The following FSTL5 variants were observed in gnomAD, a reference collection of about 807,000 sequenced individuals.
The protein encoded by FSTL5 is follistatin like 5.
FSTL5 carries 62 observed loss-of-function variants against 89.1 expected under a neutral mutation model. The observed-to-expected ratio is 0.70, with a 90% CI of 0.57 to 0.86. The LOEUF is 0.86. Ranked by LOEUF, FSTL5 falls within the 40% of genes least tolerant of loss-of-function variation. The probability of loss-of-function intolerance (pLI) is 0.00; values close to 1 mark genes in which losing one functional copy is unlikely to be tolerated. For missense variants in FSTL5, 1,057 were observed against 1,001.6 expected, an observed-to-expected ratio of 1.06 and a Z score of -0.75; for synonymous variants, 383 against 346.2, an observed-to-expected ratio of 1.11 and a Z score of -1.18.
rs1186456306 is a variant in FSTL5, at chr4:162,114,791, A to G, written c.-16-3379T>C. 2.6e-5 allele frequency among the ~76,000 whole-genome samples: 4 copies of G among 152,238 alleles called. No individual in the cohort carries two copies. In the East Asian group the frequency reaches 7.7e-4, roughly 29 times the overall value. On this transcript the variant is annotated intron_variant, in intron 1 of 15. Transcript: ENST00000306100. ...TCGATACAAATAAGTCAGTGTGTAA[A>G]TCTTCAAGGCTGTATAGGCAACCTA...
At chr4:161,665,779 T>G (rs909742423) in intron 6 of FSTL5, among the ~76,000 whole-genome samples, 1 of 152,062 alleles carries the variant, frequency 6.6e-6, no homozygotes, top group African/African-American at 2.4e-5. Context: ...GAAACTTGCC[T>G]TGAAGTAAAT....
intron 15 of FSTL5, among the ~76,000 whole-genome samples, chr4:161,432,925 A>G (rs573304098): frequency 6.6e-6 from 1 of 152,172 alleles, no homozygotes; most frequent in East Asian, 1.9e-4. Context: ...CAATAAGACC[A>G]AAGCTGTAAT....
At chr4:162,015,528 A>G (rs1040127874) in intron 3 of FSTL5, among the ~76,000 whole-genome samples, 1 of 152,160 alleles carries the variant, frequency 6.6e-6, no homozygotes, top group South Asian at 2.1e-4. Flanking sequence ...GATATAACTT[A>G]GCCTGAACCC....
At chr4:162,108,984 A>G (rs1235358080) in intron 2 of FSTL5, among the ~76,000 whole-genome samples, 4 of 152,048 alleles carry the variant, frequency 2.6e-5, no homozygotes, top group African/African-American at 4.8e-5. Context: ...TACGTAAAGT[A>G]TATGTCTTGA....
intron 6 of FSTL5, among the ~76,000 whole-genome samples, chr4:161,752,089 A>G (rs1740413685): frequency 1.3e-5 from 2 of 152,136 alleles, no homozygotes; most frequent in South Asian, 2.1e-4. Context: ...GCTCTGGTAA[A>G]CTTTGTTGTT....
chr4:161,514,181 T>A (rs1730740643), intron 10 of FSTL5, among the ~76,000 whole-genome samples: 1 of 151,728 alleles, frequency 6.6e-6, no homozygotes, highest in Non-Finnish European at 1.5e-5. Context: ...TACACCAGAA[T>A]AATAAATAAG....
chr4:161,777,477 T>C (rs1019824512), intron 4 of FSTL5, among the ~76,000 whole-genome samples: 1 of 152,108 alleles, frequency 6.6e-6, no homozygotes. Context: ...AAGAACAGTA[T>C]GAAGCATCTC....
intron 15 of FSTL5, among the ~76,000 whole-genome samples, chr4:161,443,470 T>C (rs1452413450): frequency 6.6e-6 from 1 of 152,064 alleles, no homozygotes; most frequent in Non-Finnish European, 1.5e-5. Flanking sequence ...AAAAATCTTT[T>C]ATTTTTAAAC....
In FSTL5 at chr4:161,526,350, T is replaced by C. The variant is rs530948637; in HGVS notation, c.1312+11816A>G. On this transcript the variant is annotated intron_variant, in intron 10 of 15. Coordinates refer to ENST00000306100, the MANE Select transcript of FSTL5 (RefSeq NM_020116.5). Reference sequence around the variant, plus strand: ...ATCTGATTCTATTAAAATTTCACTATTGTAGAATGTTTCCAAAGGATGTAT... The same window carrying C: ...ATCTGATTCTATTAAAATTTCACTACTGTAGAATGTTTCCAAAGGATGTAT... Among the ~76,000 whole-genome samples, 69 of 152,308 alleles carry C rather than the reference T, an allele frequency of 4.5e-4. 1 individual carries two copies. In the South Asian group the frequency reaches 0.013, roughly 30 times the overall value.
intron 4 of FSTL5, among the ~76,000 whole-genome samples, chr4:161,857,453 T>C (rs936952937): frequency 2.0e-5 from 3 of 152,182 alleles, no homozygotes; most frequent in African/African-American, 7.2e-5. Context: ...GTCGTATTCT[T>C]AACTGCTACA....
intron 8 of FSTL5, among the ~76,000 whole-genome samples, chr4:161,585,292 G>A (rs1286019468): frequency 6.6e-6 from 1 of 152,166 alleles, no homozygotes; most frequent in Non-Finnish European, 1.5e-5. Flanking sequence ...CTCCTGAAGA[G>A]CAGCCGTTTA....
chr4:161,753,768 C>A (rs113647139), intron 6 of FSTL5, among the ~76,000 whole-genome samples: 2 of 152,078 alleles, frequency 1.3e-5, no homozygotes, highest in East Asian at 3.9e-4. Context: ...TTCGGCCAGG[C>A]GCGGTGGCTC....
intron 15 of FSTL5, among the ~76,000 whole-genome samples, chr4:161,445,687 T>C (rs1450227772): frequency 6.6e-6 from 1 of 152,004 alleles, no homozygotes. Context: ...TTTTCATCCA[T>C]GACAGATGAC....
chr4:161,907,786 G>T (rs145685706), intron 4 of FSTL5, among the ~76,000 whole-genome samples: 1 of 151,982 alleles, frequency 6.6e-6, no homozygotes, highest in South Asian at 2.1e-4. Flanking sequence ...AGCTGCAGGA[G>T]GTTAGCGTGC....
intron 4 of FSTL5, among the ~76,000 whole-genome samples, chr4:161,804,346 T>C (rs562180499): frequency 2.6e-5 from 4 of 151,938 alleles, no homozygotes; most frequent in Non-Finnish European, 5.9e-5. Context: ...TCTTTGGGAG[T>C]CAGGGACAGG....
At chr4:161,628,278 T>C (rs1466814465) in intron 7 of FSTL5, among the ~76,000 whole-genome samples, 5 of 152,182 alleles carry the variant, frequency 3.3e-5, no homozygotes, top group African/African-American at 1.2e-4. Context: ...GAAAAATCTA[T>C]AATCTCTATA....
intron 7 of FSTL5, among the ~76,000 whole-genome samples, chr4:161,608,598 G>A (rs1055628407): frequency 2.0e-5 from 3 of 151,524 alleles, no homozygotes; most frequent in Non-Finnish European, 4.4e-5. Context: ...TACAAAAAAC[G>A]ATAAAGAAAA....
intron 6 of FSTL5, among the ~76,000 whole-genome samples, chr4:161,757,908 T>C (rs1277463986): frequency 1.3e-5 from 2 of 152,134 alleles, no homozygotes; most frequent in Non-Finnish European, 2.9e-5. Flanking sequence ...CATGAGCCAC[T>C]GCGCCCTGCC....
intron 12 of FSTL5, among the ~76,000 whole-genome samples, chr4:161,499,244 A>AT (rs969166058): frequency 6.6e-5 from 10 of 152,146 alleles, no homozygotes; most frequent in Admixed American, 4.6e-4. Flanking sequence ...GCAATTTAAG[A>AT]TTTTTTACAT....
Sources: gnomAD v4.1 joint callset for allele counts (sites outside exome capture counted in the v4.1 genomes callset) on GRCh38, gnomAD v4.1.1 for gene constraint, MANE v1.5 for transcripts, NCBI Gene and HGNC (gene_info 2026-07-23, HGNC 2026-07-21) for gene names.